Variants in SLC22A15 observed in about 807,000 individuals in gnomAD.
SLC22A15 encodes the protein solute carrier family 22 member 15.
Under a neutral mutation model 62.7 loss-of-function variants are expected in SLC22A15, and 45 were observed. The observed-to-expected ratio is 0.72, with a 90% CI of 0.56 to 0.92. SLC22A15 has a LOEUF of 0.92. SLC22A15 is among the 40% of genes least tolerant of loss of function. SLC22A15 has a pLI of 0.00. For synonymous variants in SLC22A15, 264 were observed against 267.0 expected, an observed-to-expected ratio of 0.99 and a Z score of 0.11; for missense variants, 622 against 665.6, an observed-to-expected ratio of 0.93 and a Z score of 0.72.
At chr1:116,058,542 A>G (rs1321831133) in intron 8 of SLC22A15, among the ~76,000 whole-genome samples, 6 of 152,212 alleles carry the variant, frequency 3.9e-5, no homozygotes, top group Non-Finnish European at 7.3e-5. Context: ...TACAGCCACT[A>G]TGGAAAACCG....
intron 5 of SLC22A15, among the ~76,000 whole-genome samples, chr1:116,029,395 C>T (rs1432730546): frequency 6.6e-6 from 1 of 152,096 alleles, no homozygotes; most frequent in Non-Finnish European, 1.5e-5. Flanking sequence ...TTTTAGCTTT[C>T]AAAGGAGCCC....
intron 2 of SLC22A15, among the ~76,000 whole-genome samples, chr1:115,995,681 T>G (rs1655386983): frequency 6.6e-6 from 1 of 152,224 alleles, no homozygotes; most frequent in African/African-American, 2.4e-5. Context: ...CCTATATATT[T>G]ATCAACCATA....
intron 2 of SLC22A15, among the ~76,000 whole-genome samples, chr1:116,002,180 C>G (rs1410817509): frequency 2.0e-5 from 3 of 152,196 alleles, no homozygotes; most frequent in African/African-American, 7.2e-5. Context: ...TCTTCCCTTA[C>G]TGTTTTCCAA....
intron 2 of SLC22A15, among the ~76,000 whole-genome samples, chr1:116,003,337 G>A (rs1163375247): frequency 6.6e-6 from 1 of 152,164 alleles, no homozygotes; most frequent in East Asian, 1.9e-4. Context: ...ACCCAAGCTG[G>A]TGTCCCACTG....
At chr1:116,027,517 C>T (rs535036697) in intron 5 of SLC22A15, among the ~76,000 whole-genome samples, 6 of 152,098 alleles carry the variant, frequency 3.9e-5, no homozygotes, top group Non-Finnish European at 5.9e-5. Flanking sequence ...ATAGCAGTGG[C>T]AGGATGATTC....
intron 5 of SLC22A15, among the ~76,000 whole-genome samples, chr1:116,030,389 G>A (rs866823730): frequency 8.6e-5 from 13 of 151,880 alleles, no homozygotes; most frequent in Admixed American, 2.0e-4. Flanking sequence ...ATAAAGCACC[G>A]TAAATAGCCA....
intron 2 of SLC22A15, among the ~76,000 whole-genome samples, chr1:115,996,155 CT>C (rs1249836888): frequency 6.6e-6 from 1 of 152,108 alleles, no homozygotes; most frequent in East Asian, 1.9e-4. Context: ...TTGTAGAAGC[CT>C]TTTGAGATTG....
intron 2 of SLC22A15, among the ~76,000 whole-genome samples, chr1:115,998,554 A>G (rs115687672): frequency 0.014 from 2,069 of 152,246 alleles, 20 homozygotes; most frequent in Middle Eastern, 0.037. Flanking sequence ...CATTTCTTCT[A>G]GGTTTTCCAA....
At chr1:116,063,678 A>G (rs1403956292) in intron 9 of SLC22A15, among the ~76,000 whole-genome samples, 2 of 152,220 alleles carry the variant, frequency 1.3e-5, no homozygotes, top group African/African-American at 4.8e-5. Flanking sequence ...AGCTGGTCCT[A>G]TAACCTACTT....
rs750427745 is a variant in SLC22A15 at position 116,031,464 on chromosome 1, A to G, written c.827A>G (p.Lys276Arg). ...ATTGCCAAGAGGAACCGCAAACTCA[A>G]GTGCACGTTCTCACTAACACACCCA... The part of the protein sequence containing the change: ...YLIAKRNRKL[K>R]CTFSLTHPAN... Residue 276 changes from lysine to arginine, a missense_variant, in exon 6 of 12, where the codon AAG (lysine) becomes AGG (arginine). By Grantham distance (26) the Lys-to-Arg change is conservative. Transcript: ENST00000369503. 41 of 1,613,902 alleles carry G rather than the reference A, an allele frequency of 2.5e-5. 1 individual carries two copies. Among genetic ancestry groups the G allele is most frequent in the Middle Eastern group, 3.3e-4 (2 of 6,074 alleles).
At chr1:116,000,625 CTTTTTTTTT>C (rs56303802) in intron 2 of SLC22A15, among the ~76,000 whole-genome samples, 5 of 88,212 alleles carry the variant, frequency 5.7e-5, no homozygotes, top group Admixed American at 4.4e-4. Context: ...CTTTTTTTTC[CTTTTTTTTT>C]TTTTTTTTTT....
At chr1:116,019,944 C>T (rs1252577629) in intron 3 of SLC22A15, among the ~76,000 whole-genome samples, 1 of 152,110 alleles carries the variant, frequency 6.6e-6, no homozygotes, top group Non-Finnish European at 1.5e-5. Context: ...TGTTCTAAAC[C>T]GTTCATAGGT....
chr1:116,056,596 A>C (rs1658213423), intron 8 of SLC22A15, among the ~76,000 whole-genome samples: 1 of 151,886 alleles, frequency 6.6e-6, no homozygotes, highest in Non-Finnish European at 1.5e-5. Flanking sequence ...CCACATCGCC[A>C]AGTCAATCCT....
rs1658554738 is a variant in SLC22A15, at chr1:116,068,910, A to G, written c.*1802A>G. 6.6e-6 allele frequency: 1 copy of G among 152,192 alleles called. No individual in the cohort carries two copies. Among genetic ancestry groups the G allele is most frequent in the Non-Finnish European group, 1.5e-5 (1 of 68,028 alleles). 9.4% of individuals were successfully genotyped at this position (152,192 alleles called of 1,614,324 possible). ...ATATATATAATTTTTGATTAGTTGG[A>G]GCTTTCTTTGTATTATAAGAGTAAT... is the stretch of plus-strand genomic sequence containing the variant. On this transcript the variant is annotated 3_prime_UTR_variant, in exon 12 of 12. Coordinates refer to ENST00000369503, the MANE Select transcript of SLC22A15 (RefSeq NM_018420.3).
intron 8 of SLC22A15, among the ~76,000 whole-genome samples, chr1:116,051,908 GA>G (rs1658063149): frequency 6.6e-6 from 1 of 152,166 alleles, no homozygotes; most frequent in Non-Finnish European, 1.5e-5. Flanking sequence ...CATGAAAACA[GA>G]CTAAGAAGGA....
At chr1:116,026,152 G>A (rs533786506) in intron 4 of SLC22A15, among the ~76,000 whole-genome samples, 2 of 152,228 alleles carry the variant, frequency 1.3e-5, no homozygotes, top group East Asian at 1.9e-4. Context: ...GGTGGCTCAC[G>A]CCTGTAATCC....
intron 2 of SLC22A15, among the ~76,000 whole-genome samples, chr1:115,992,832 A>AC (rs1202693409): frequency 6.6e-6 from 1 of 151,628 alleles, no homozygotes; most frequent in African/African-American, 2.4e-5. Context: ...CACCATGTTG[A>AC]CCAGGCTGCT....
intron 2 of SLC22A15, among the ~76,000 whole-genome samples, chr1:116,007,798 A>T (rs1344656586): frequency 6.6e-6 from 1 of 152,220 alleles, no homozygotes; most frequent in African/African-American, 2.4e-5. Flanking sequence ...ATGAGCTCAT[A>T]TTCTTTCCAC....
At chr1:115,977,504 G>A (rs1325980701) in intron 1 of SLC22A15, among the ~76,000 whole-genome samples, 1 of 152,228 alleles carries the variant, frequency 6.6e-6, no homozygotes, top group East Asian at 1.9e-4. Flanking sequence ...TGGCTCATTT[G>A]ACATTAGTCG....
Sources: gnomAD v4.1 joint callset for allele counts (sites outside exome capture counted in the v4.1 genomes callset) on GRCh38, gnomAD v4.1.1 for gene constraint, MANE v1.5 for transcripts, NCBI Gene and HGNC (gene_info 2026-07-23, HGNC 2026-07-21) for gene names.